Variants in IMMP2L observed in about 807,000 individuals in gnomAD.
IMMP2L encodes inner mitochondrial membrane peptidase subunit 2, also known as mitochondrial inner membrane protease subunit 2.
IMMP2L carries 18 observed loss-of-function variants against 19.3 expected under a neutral mutation model. The ratio of observed to expected loss-of-function variants is 0.93; its 90% CI spans 0.64 to 1.38. The LOEUF is 1.38. Among genes scored for constraint, IMMP2L ranks in the 40% most tolerant of loss-of-function variants. The pLI is 0.00. For synonymous variants in IMMP2L, 76 were observed against 73.0 expected, an observed-to-expected ratio of 1.04 and a Z score of -0.21; for missense variants, 233 against 218.2, an observed-to-expected ratio of 1.07 and a Z score of -0.43.
chr7:110,853,324 G>GA (rs914104985), intron 5 of IMMP2L, among the ~76,000 whole-genome samples: 10 of 150,326 alleles, frequency 6.7e-5, no homozygotes, highest in South Asian at 2.1e-4. Context: ...AGTTTTATCA[G>GA]AAAAAAAAAC....
chr7:111,454,608 T>G (rs1839522697), intron 3 of IMMP2L, among the ~76,000 whole-genome samples: 1 of 152,066 alleles, frequency 6.6e-6, no homozygotes, highest in Admixed American at 6.6e-5. Flanking sequence ...ATTCCTAAGA[T>G]TCTTCTTATA....
intron 3 of IMMP2L, among the ~76,000 whole-genome samples, chr7:110,985,353 CAG>C (rs901727455): frequency 6.6e-6 from 1 of 152,086 alleles, no homozygotes; most frequent in African/African-American, 2.4e-5. Flanking sequence ...GTTAAAAATG[CAG>C]ACTCTTTGGC....
intron 3 of IMMP2L, chr7:111,124,995 A>G: frequency 1.1e-6 from 1 of 870,294 alleles, no homozygotes. Flanking sequence ...ACAAACAAAC[A>G]AAAAAGTAAA....
intron 3 of IMMP2L, among the ~76,000 whole-genome samples, chr7:111,203,486 A>G (rs1263161304): frequency 2.0e-5 from 3 of 152,014 alleles, no homozygotes; most frequent in Non-Finnish European, 1.5e-5. Context: ...AGAAAATATA[A>G]GGCATAGGTT....
intron 3 of IMMP2L, among the ~76,000 whole-genome samples, chr7:111,310,673 T>G (rs1347582711): frequency 6.6e-6 from 1 of 152,180 alleles, no homozygotes; most frequent in Admixed American, 6.6e-5. Flanking sequence ...TACTACATTA[T>G]GACAGAGCAG....
intron 3 of IMMP2L, chr7:111,124,428 T>G: frequency 6.2e-7 from 1 of 1,613,810 alleles, no homozygotes; most frequent in South Asian, 1.1e-5. Flanking sequence ...AATCTAGTGT[T>G]AAATGGACAG....
chr7:110,801,442 T>TGAGACC (rs1307226694), intron 5 of IMMP2L, among the ~76,000 whole-genome samples: 7 of 152,130 alleles, frequency 4.6e-5, no homozygotes, highest in African/African-American at 1.4e-4. Context: ...TTGGTCATTG[T>TGAGACC]TCTTATGAGA....
chr7:110,736,684 T>G (rs565641454), intron 5 of IMMP2L, among the ~76,000 whole-genome samples: 1 of 152,330 alleles, frequency 6.6e-6, no homozygotes, highest in East Asian at 1.9e-4. Flanking sequence ...CTGTTTCCAT[T>G]TCTTCCTTCC....
Position 111,562,323 on chromosome 7 carries a change from C to A in IMMP2L, c.-475G>T, listed in dbSNP as rs913670371. 6.6e-6 allele frequency: 1 copy of A among 152,128 alleles called. No homozygotes were observed. Among genetic ancestry groups the A allele is most frequent in the Non-Finnish European group, 1.5e-5 (1 of 68,112 alleles). 9.4% of individuals were successfully genotyped at this position (152,128 alleles called of 1,614,324 possible). A position where few individuals can be genotyped will look rare whatever the true frequency, so the allele number is the denominator to read the frequency against. On this transcript the variant is annotated 5_prime_UTR_variant, in exon 1 of 6. Transcript: ENST00000405709. ...CCTCCGCCTCCCGGCAACGCCCGCC[C>A]CGCCGGGGCCGGGGCCGACTCCCAG...
intron 5 of IMMP2L, among the ~76,000 whole-genome samples, chr7:110,787,054 A>AT (rs1800129465): frequency 6.6e-6 from 1 of 152,018 alleles, no homozygotes; most frequent in East Asian, 1.9e-4. Flanking sequence ...AAAAAATACA[A>AT]TTTTATCTGA....
intron 3 of IMMP2L, among the ~76,000 whole-genome samples, chr7:111,290,328 T>C (rs1255937546): frequency 6.6e-6 from 1 of 151,944 alleles, no homozygotes; most frequent in Admixed American, 6.6e-5. Context: ...ACACATAATA[T>C]GAGGAATAAG....
chr7:111,553,560 T>C (rs1790924382), intron 1 of IMMP2L, among the ~76,000 whole-genome samples: 1 of 151,972 alleles, frequency 6.6e-6, no homozygotes, highest in Non-Finnish European at 1.5e-5. Flanking sequence ...AGAATTTTAA[T>C]ACTAAAATAT....
chr7:111,445,532 A>T (rs1298349032), intron 3 of IMMP2L, among the ~76,000 whole-genome samples: 1 of 152,180 alleles, frequency 6.6e-6, no homozygotes, highest in Middle Eastern at 3.2e-3. Flanking sequence ...GAGAATAACG[A>T]AACTTTAAAG....
intron 3 of IMMP2L, among the ~76,000 whole-genome samples, chr7:111,481,073 TG>T (rs1842142831): frequency 6.6e-6 from 1 of 152,136 alleles, no homozygotes; most frequent in African/African-American, 2.4e-5. Flanking sequence ...GCCACCACAC[TG>T]GCCATCTATC....
intron 3 of IMMP2L, among the ~76,000 whole-genome samples, chr7:111,055,812 T>C (rs1793459263): frequency 6.6e-6 from 1 of 152,210 alleles, no homozygotes; most frequent in Non-Finnish European, 1.5e-5. Context: ...CCAGTAACTA[T>C]GCATATATCT....
Position 111,123,409 on chromosome 7 carries a change from A to T in IMMP2L, c.240-159844T>A, listed in dbSNP as rs769240546. 2 of 1,613,676 alleles carry T rather than the reference A, an allele frequency of 1.2e-6. No individual in the cohort carries two copies. Among genetic ancestry groups the T allele is most frequent in the East Asian group, 4.5e-5 (2 of 44,846 alleles). ...AGACATGAACTTTAAGCCTCTTATC[A>T]ATCTTCGCAGCCTGGTTATAGCTGG... On this transcript the variant is annotated intron_variant, in intron 3 of 5. Coordinates refer to ENST00000405709, the MANE Select transcript of IMMP2L (RefSeq NM_032549.4). The surrounding 1 kb of genome is among the most constrained non-coding windows in gnomAD (Gnocchi z 6.4).
chr7:110,718,410 C>T (rs995415123), intron 5 of IMMP2L, among the ~76,000 whole-genome samples: 1 of 151,974 alleles, frequency 6.6e-6, no homozygotes, highest in South Asian at 2.1e-4. Flanking sequence ...CTACTGCTAT[C>T]CAATGGAAGA....
At chr7:111,431,803 T>C (rs1328436838) in intron 3 of IMMP2L, among the ~76,000 whole-genome samples, 1 of 151,472 alleles carries the variant, frequency 6.6e-6, no homozygotes, top group Non-Finnish European at 1.5e-5. Context: ...TTTGTTGTTG[T>C]TGCTGTTGTT....
At chr7:111,540,076 T>C (rs1198258853) in intron 1 of IMMP2L, among the ~76,000 whole-genome samples, 2 of 152,222 alleles carry the variant, frequency 1.3e-5, no homozygotes, top group African/African-American at 4.8e-5. Flanking sequence ...CAGCTGCTGC[T>C]ATGTTTCATA....
Sources: gnomAD v4.1 joint callset for allele counts (sites outside exome capture counted in the v4.1 genomes callset) on GRCh38, gnomAD v4.1.1 for gene constraint, Gnocchi (gnomAD v3.1) non-coding constraint, MANE v1.5 for transcripts, NCBI Gene and HGNC (gene_info 2026-07-23, HGNC 2026-07-21) for gene names.